CNTN4: variants seen among roughly 807,000 people sequenced by gnomAD.
CNTN4 encodes the protein contactin-4.
CNTN4 carries 77 observed loss-of-function variants against 122.5 expected under a neutral mutation model. The ratio of observed to expected loss-of-function variants is 0.63; its 90% CI spans 0.52 to 0.76. CNTN4 has a LOEUF of 0.76. Among genes scored for constraint, CNTN4 ranks in the 30% least tolerant of loss-of-function variants. The pLI is 0.00. For synonymous variants in CNTN4, 512 were observed against 447.0 expected, an observed-to-expected ratio of 1.15 and a Z score of -1.83; for missense variants, 1,256 against 1,259.1, an observed-to-expected ratio of 1.00 and a Z score of 0.04.
chr3:2,589,283 C>A (rs139423596), intron 4 of CNTN4, among the ~76,000 whole-genome samples: 169 of 152,258 alleles, frequency 1.1e-3, no homozygotes, highest in Non-Finnish European at 2.2e-3. Flanking sequence ...CTTGGGGAGC[C>A]CAGTTGGCTC....
chr3:2,519,171 C>T (rs1468679171), intron 3 of CNTN4, among the ~76,000 whole-genome samples: 1 of 152,156 alleles, frequency 6.6e-6, no homozygotes, highest in Non-Finnish European at 1.5e-5. Context: ...GGCTTGCCCT[C>T]CTTGTACCAA....
Position 2,897,057 on chromosome 3 carries a change from A to AC in CNTN4, c.941-3627dup, listed in dbSNP as rs1577195758. 2.6e-5 allele frequency among the ~76,000 whole-genome samples: 4 copies of AC among 151,702 alleles called. No individual in the cohort carries two copies. The East Asian group carries it at 7.8e-4, about 29-fold the overall frequency. ...TTTTTAGAAAATCGAAGCGCCAAATACTCCTGAGAATTGTTTGACCCACTG... is the reference window on the plus strand; with the variant it reads ...TTTTTAGAAAATCGAAGCGCCAAATACCTCCTGAGAATTGTTTGACCCACTG... On this transcript the variant is annotated intron_variant, in intron 10 of 24. Coordinates refer to ENST00000418658, the MANE Select transcript of CNTN4 (RefSeq NM_175607.3).
rs112705053 is a variant in CNTN4 at position 2,933,064 on chromosome 3, C to T, written c.1358+7285C>T. 8.5e-3 allele frequency among the ~76,000 whole-genome samples: 1,293 copies of T among 152,116 alleles called. 24 individuals carry two copies. The highest frequency in any genetic ancestry group is 0.029 in the African/African-American group (1,183 of 41,490). The stretch of plus-strand genomic sequence containing the variant: ...GTCTCGATCTCCTGACCTCGTGATC[C>T]GCCCGCCTCGGCCTCCCAAAGTGCT... On this transcript the variant is annotated intron_variant, in intron 13 of 24. Transcript: ENST00000418658.
chr3:2,297,929 A>C (rs1303929553), intron 2 of CNTN4, among the ~76,000 whole-genome samples: 2 of 152,010 alleles, frequency 1.3e-5, no homozygotes, highest in African/African-American at 4.8e-5. Context: ...ACAGGGTTTC[A>C]CTATGTTGCC....
At chr3:2,401,799 A>G (rs2046868437) in intron 3 of CNTN4, among the ~76,000 whole-genome samples, 1 of 152,184 alleles carries the variant, frequency 6.6e-6, no homozygotes, top group African/African-American at 2.4e-5. Flanking sequence ...CTTTCACCAC[A>G]CGAGTGTGGC....
chr3:2,461,710 C>A (rs2049218409), intron 3 of CNTN4, among the ~76,000 whole-genome samples: 1 of 152,216 alleles, frequency 6.6e-6, no homozygotes, highest in Non-Finnish European at 1.5e-5. Flanking sequence ...GTGTAAATAA[C>A]AACAGTTAAA....
chr3:2,426,007 C>T (rs2047815535), intron 3 of CNTN4, among the ~76,000 whole-genome samples: 1 of 152,186 alleles, frequency 6.6e-6, no homozygotes, highest in African/African-American at 2.4e-5. Context: ...ATCATGTCTT[C>T]TGCAAGCAGG....
intron 4 of CNTN4, among the ~76,000 whole-genome samples, chr3:2,643,965 C>T (rs2619575): frequency 0.72 from 109,382 of 152,012 alleles, 40,277 homozygotes; most frequent in African/African-American, 0.87. Context: ...ATCACCCCAC[C>T]GTGTCTTCCA....
chr3:2,381,155 G>T (rs188414767), intron 3 of CNTN4, among the ~76,000 whole-genome samples: 1 of 151,522 alleles, frequency 6.6e-6, no homozygotes, highest in South Asian at 2.1e-4. Context: ...ACAGGCGCCC[G>T]CCACCACACC....
chr3:2,602,627 A>G (rs951808924), intron 4 of CNTN4, among the ~76,000 whole-genome samples: 1 of 152,166 alleles, frequency 6.6e-6, no homozygotes, highest in East Asian at 1.9e-4. Context: ...ATGCTCATGG[A>G]TAGGAAGAAT....
At chr3:2,811,207 C>A (rs547813564) in intron 6 of CNTN4, among the ~76,000 whole-genome samples, 1 of 151,472 alleles carries the variant, frequency 6.6e-6, no homozygotes, top group Admixed American at 6.6e-5. Context: ...GTCAGGAGTT[C>A]GAGACCAGCC....
chr3:3,034,492 G>A, intron 16 of CNTN4, 140 bp from the exon 17 acceptor site: 2 of 922,618 alleles, frequency 2.2e-6, no homozygotes, highest in Non-Finnish European at 3.4e-6. Flanking sequence ...CGTAGTAGGA[G>A]TTCAAAAAGG....
chr3:2,165,045 A>G (rs959847020), intron 2 of CNTN4, among the ~76,000 whole-genome samples: 2 of 152,150 alleles, frequency 1.3e-5, no homozygotes, highest in South Asian at 4.1e-4. Flanking sequence ...TAAGGTGGCC[A>G]GGCCTGGTGG....
rs564509023 is a variant in CNTN4, at chr3:2,506,032, T to TAAC, written c.-88-65382_-88-65380dup. On this transcript the variant is annotated intron_variant, in intron 3 of 24. Transcript: ENST00000418658. ...GACACTCGCTTTTTTTTTTCTAATG[T>TAAC]AACACTATGGTAATCTTAACAAATA... Among the ~76,000 whole-genome samples the TAAC allele has an allele frequency of 2.7e-3, 404 of 152,284 alleles. 3 individuals are homozygous for TAAC. Among genetic ancestry groups the TAAC allele is most frequent in the African/African-American group, 9.0e-3 (375 of 41,576 alleles).
At position 2,120,386 on chromosome 3, in the gene CNTN4, T is replaced by TATATATATAA. The variant is rs1553568251; in HGVS notation, c.-145+19756_-145+19757insAATATATATA. On this transcript the variant is annotated intron_variant, in intron 2 of 24. Coordinates refer to ENST00000418658, the MANE Select transcript of CNTN4 (RefSeq NM_175607.3). ...ATATATATATATAAATATATATATA[T>TATATATATAA]ATATATATATATATATATATTTTTT... Among the ~76,000 whole-genome samples, 19 of 27,646 alleles carry TATATATATAA rather than the reference T, an allele frequency of 6.9e-4. No homozygotes were observed. The East Asian group carries it at 7.2e-3, about 10-fold the overall frequency. 18.1% of individuals were successfully genotyped at this position (27,646 alleles called of 152,430 possible).
chr3:2,583,205 A>G lies in CNTN4; in HGVS notation c.55+11647A>G, dbSNP rs78405926. 6.8e-3 allele frequency among the ~76,000 whole-genome samples: 1,033 copies of G among 152,338 alleles called. 16 individuals carry two copies. The highest frequency in any genetic ancestry group is 0.024 in the East Asian group (124 of 5,186). On this transcript the variant is annotated intron_variant, in intron 4 of 24. Transcript: ENST00000418658. ...GAAAGCTTTGCTCTACTCTTTTCTAAGGAGCTTTGAAGATCTGGCCATGGT... is the reference window on the plus strand; with the variant it reads ...GAAAGCTTTGCTCTACTCTTTTCTAGGGAGCTTTGAAGATCTGGCCATGGT...
chr3:2,159,970 A>C (rs1286978069), intron 2 of CNTN4, among the ~76,000 whole-genome samples: 7 of 152,058 alleles, frequency 4.6e-5, no homozygotes, highest in Admixed American at 4.6e-4. Context: ...TGGACTCCAA[A>C]ACTCACCCAA....
In CNTN4 at chr3:2,439,732, A is replaced by G. The variant is rs146553263; in HGVS notation, c.-89+100499A>G. On this transcript the variant is annotated intron_variant, in intron 3 of 24. Transcript: ENST00000418658. ...TAGCTAAGGGAAAGGAGTGAAAGGAATTATGGAGAAGAGAAGAGCAATAAA... is the reference window on the plus strand; with the variant it reads ...TAGCTAAGGGAAAGGAGTGAAAGGAGTTATGGAGAAGAGAAGAGCAATAAA... Among the ~76,000 whole-genome samples, 41 of 152,202 alleles carry G rather than the reference A, an allele frequency of 2.7e-4. No homozygotes were observed. In the East Asian group the frequency reaches 5.4e-3, roughly 20 times the overall value.
chr3:2,933,188 G>C (rs2094539847), intron 13 of CNTN4, among the ~76,000 whole-genome samples: 1 of 152,114 alleles, frequency 6.6e-6, no homozygotes. Context: ...TGTGAAAAGA[G>C]GGCATCAAGG....
Sources: allele counts gnomAD v4.1 joint callset (sites outside exome capture counted in the v4.1 genomes callset), GRCh38; gene constraint gnomAD v4.1.1; transcripts MANE v1.5; gene names NCBI Gene and HGNC (gene_info 2026-07-23, HGNC 2026-07-21).